ODAD2: variants seen among roughly 807,000 people sequenced by gnomAD.
ODAD2 encodes outer dynein arm-docking complex subunit 2.
In ODAD2, 89 loss-of-function variants were observed where a neutral mutation model predicts 106.8. The ratio of observed to expected loss-of-function variants is 0.83; its 90% CI spans 0.70 to 0.99. ODAD2 has a LOEUF of 0.99. Ranked by LOEUF, ODAD2 falls within the 50% of genes least tolerant of loss-of-function variation. ODAD2 has a pLI of 0.00. For synonymous variants in ODAD2, 404 were observed against 436.2 expected, an observed-to-expected ratio of 0.93 and a Z score of 0.92; for missense variants, 1,168 against 1,238.5, an observed-to-expected ratio of 0.94 and a Z score of 0.85.
At chr10:27,871,199 GTTGT>G (rs1267136284) in intron 17 of ODAD2, among the ~76,000 whole-genome samples, 15 of 152,206 alleles carry the variant, frequency 9.9e-5, no homozygotes, top group African/African-American at 2.9e-4. Flanking sequence ...TTTTGATGGG[GTTGT>G]TTGTTTTTTT....
intron 15 of ODAD2, among the ~76,000 whole-genome samples, chr10:27,936,179 T>C (rs1845960261): frequency 6.6e-6 from 1 of 152,170 alleles, no homozygotes; most frequent in African/African-American, 2.4e-5. Flanking sequence ...ATCATTGAGA[T>C]TGTAATCTCT....
chr10:27,959,516 C>T (rs1177119458), intron 10 of ODAD2, among the ~76,000 whole-genome samples: 4 of 152,006 alleles, frequency 2.6e-5, no homozygotes, highest in African/African-American at 7.2e-5. Flanking sequence ...GGTCACCGTG[C>T]GTGCCAGTCT....
intron 17 of ODAD2, among the ~76,000 whole-genome samples, chr10:27,890,452 A>G (rs1842485090): frequency 6.6e-6 from 1 of 152,224 alleles, no homozygotes; most frequent in African/African-American, 2.4e-5. Context: ...GGTTTCATGA[A>G]TAGCTAGTGG....
chr10:27,987,478 G>A lies in ODAD2; in HGVS notation c.290C>T (p.Pro97Leu), dbSNP rs1849945702. 6.2e-7 allele frequency: 1 copy of A among 1,613,390 alleles called. No homozygotes were observed. The highest frequency in any genetic ancestry group is 1.3e-5 in the African/African-American group (1 of 74,994). ...CCCAAAGCTCCTAATTTTAATTTGT[G>A]GTACAGAGAGAAATAGCAAAGGCTG... ...NGQPLLFLSV[P>L]QIKIRSFGQL... Residue 97 changes from proline (P) to leucine (L), a missense_variant, in exon 3 of 20, where the codon CCA becomes CTA. Pro to Leu is a moderately conservative substitution (Grantham distance 98). Coordinates refer to ENST00000305242, the MANE Select transcript of ODAD2 (RefSeq NM_018076.5).
At chr10:27,994,360 G>A (rs1437284520) in intron 2 of ODAD2, among the ~76,000 whole-genome samples, 1 of 152,022 alleles carries the variant, frequency 6.6e-6, no homozygotes, top group East Asian at 1.9e-4. Flanking sequence ...TACATCAGAG[G>A]TCACGAAACC....
rs146007770 is a variant in ODAD2 at position 27,952,339 on chromosome 10, G to A, written c.1387-7377C>T. ...AAAAATAACAAAAAGACTACACATC[G>A]ATGAGAATTTACAACAATGGATTCC... On this transcript the variant is annotated intron_variant, in intron 10 of 19. Coordinates refer to ENST00000305242, the MANE Select transcript of ODAD2 (RefSeq NM_018076.5). Among the ~76,000 whole-genome samples the A allele has an allele frequency of 3.9e-3, 584 of 151,582 alleles. 3 individuals carry two copies. The highest frequency in any genetic ancestry group is 0.014 in the African/African-American group (566 of 41,364).
intron 2 of ODAD2, among the ~76,000 whole-genome samples, chr10:27,991,607 A>T (rs61292688): frequency 0.12 from 17,710 of 152,234 alleles, 1,312 homozygotes; most frequent in East Asian, 0.28. Flanking sequence ...GTCCACAGAG[A>T]CCAACAAAAA....
chr10:27,826,450 C>T (rs919559530), intron 19 of ODAD2, among the ~76,000 whole-genome samples: 3 of 152,160 alleles, frequency 2.0e-5, no homozygotes, highest in African/African-American at 7.2e-5. Context: ...ACCGGCTCCA[C>T]TCTCCTCAAA....
chr10:27,849,251 AG>A (rs1299276915), intron 19 of ODAD2, among the ~76,000 whole-genome samples: 1 of 152,170 alleles, frequency 6.6e-6, no homozygotes, highest in Non-Finnish European at 1.5e-5. Context: ...TGTCCTTTGT[AG>A]GGACATGGAT....
In ODAD2 at chr10:27,973,256, C is replaced by T. The variant is rs541351131; in HGVS notation, c.937-1943G>A. 4.7e-4 allele frequency among the ~76,000 whole-genome samples: 72 copies of T among 152,062 alleles called. 2 individuals are homozygous for T. The South Asian group carries it at 0.013, about 27-fold the overall frequency. ...ACATACATACATACATACATACATA[C>T]GCTGAGACAGCCAGATCACTTGAAG... is the stretch of plus-strand genomic sequence containing the variant. On this transcript the variant is annotated intron_variant, in intron 7 of 19. Coordinates refer to ENST00000305242, the MANE Select transcript of ODAD2 (RefSeq NM_018076.5).
chr10:27,986,534 C>T (rs367921392), intron 3 of ODAD2, among the ~76,000 whole-genome samples: 141 of 152,110 alleles, frequency 9.3e-4, no homozygotes, highest in African/African-American at 3.3e-3. Context: ...GAGTAATAGG[C>T]AAGGCATAAA....
intron 1 of ODAD2, among the ~76,000 whole-genome samples, chr10:27,997,202 C>G (rs986963298): frequency 1.3e-5 from 2 of 151,998 alleles, no homozygotes; most frequent in African/African-American, 4.8e-5. Context: ...TATTGCTAAC[C>G]GATGAGAAAT....
intron 17 of ODAD2, among the ~76,000 whole-genome samples, chr10:27,876,508 T>C (rs1002646406): frequency 1.3e-5 from 2 of 152,222 alleles, no homozygotes; most frequent in Non-Finnish European, 2.9e-5. Context: ...GGAAAACTAA[T>C]GAATCTGTTA....
chr10:27,872,073 T>C (rs543918669), intron 17 of ODAD2, among the ~76,000 whole-genome samples: 1 of 152,288 alleles, frequency 6.6e-6, no homozygotes, highest in Admixed American at 6.5e-5. Flanking sequence ...TACCTTCACA[T>C]CCCTTGTAAG....
At chr10:27,908,149 T>G (rs1044794834) in intron 16 of ODAD2, among the ~76,000 whole-genome samples, 1 of 152,212 alleles carries the variant, frequency 6.6e-6, no homozygotes, top group African/African-American at 2.4e-5. Flanking sequence ...CTCAAAACTG[T>G]GCAGTTACCT....
chr10:27,955,159 G>A (rs1398420555), intron 10 of ODAD2, among the ~76,000 whole-genome samples: 2 of 152,164 alleles, frequency 1.3e-5, no homozygotes, highest in Admixed American at 6.5e-5. Context: ...TCGAGTGGAC[G>A]AACAGTGAGC....
intron 19 of ODAD2, among the ~76,000 whole-genome samples, chr10:27,845,849 G>T (rs775097676): frequency 3.9e-5 from 6 of 152,102 alleles, no homozygotes; most frequent in African/African-American, 4.8e-5. Context: ...ATGGTAAAGG[G>T]ATCAATTCAA....
intron 17 of ODAD2, among the ~76,000 whole-genome samples, chr10:27,864,549 G>C (rs981338980): frequency 6.6e-6 from 1 of 150,722 alleles, no homozygotes; most frequent in Non-Finnish European, 1.5e-5. Context: ...AGAGCGGGGA[G>C]TGAGGTGAGA....
At chr10:27,847,331 T>C (rs1442349960) in intron 19 of ODAD2, among the ~76,000 whole-genome samples, 2 of 152,196 alleles carry the variant, frequency 1.3e-5, no homozygotes, top group African/African-American at 4.8e-5. Flanking sequence ...ACCACATGAT[T>C]ATCTCAATAG....
Sources: gnomAD v4.1 joint callset for allele counts (sites outside exome capture counted in the v4.1 genomes callset) on GRCh38, gnomAD v4.1.1 for gene constraint, MANE v1.5 for transcripts, NCBI Gene and HGNC (gene_info 2026-07-23, HGNC 2026-07-21) for gene names.